IL20RA: variants seen among roughly 807,000 people sequenced by gnomAD.
The protein encoded by IL20RA is interleukin 20 receptor subunit alpha, also known as interleukin-20 receptor subunit alpha.
IL20RA carries 29 observed loss-of-function variants against 36.5 expected under a neutral mutation model. The ratio of observed to expected loss-of-function variants is 0.79; its 90% confidence interval spans 0.59 to 1.08. The LOEUF is 1.08. Ranked by LOEUF, IL20RA falls within the 50% of genes least tolerant of loss-of-function variation. IL20RA has a pLI of 0.00. For synonymous variants in IL20RA, 279 were observed against 267.1 expected (o/e 1.04, Z -0.43); for missense variants, 652 against 668.4 (o/e 0.98, Z 0.27).
intron 2 of IL20RA, among the ~76,000 whole-genome samples, chr6:137,016,184 A>G (rs546179957): frequency 2.0e-5 from 3 of 152,234 alleles, no homozygotes; most frequent in Admixed American, 2.0e-4. Flanking sequence ...CACAATGGAC[A>G]TGTCCTGTGT....
chr6:137,004,996 A>C (rs928698585), intron 5 of IL20RA, among the ~76,000 whole-genome samples: 1 of 152,222 alleles, frequency 6.6e-6, no homozygotes, highest in Non-Finnish European at 1.5e-5. Context: ...GTGTACCTCA[A>C]ATGTTTACAC....
At chr6:137,015,579 A>G (rs1270907202) in intron 2 of IL20RA, among the ~76,000 whole-genome samples, 4 of 152,200 alleles carry the variant, frequency 2.6e-5, no homozygotes, top group African/African-American at 9.6e-5. Flanking sequence ...GAGTGGGGCC[A>G]GCTGTTTGTT....
At chr6:137,021,626 C>A (rs1201841304) in intron 1 of IL20RA, among the ~76,000 whole-genome samples, 4 of 151,942 alleles carry the variant, frequency 2.6e-5, no homozygotes, top group Non-Finnish European at 5.9e-5. Flanking sequence ...TTGCAGAGAG[C>A]CACTGCACTC....
chr6:137,039,375 G>C (rs1357356688), intron 1 of IL20RA, among the ~76,000 whole-genome samples: 1 of 152,150 alleles, frequency 6.6e-6, no homozygotes, highest in Non-Finnish European at 1.5e-5. Context: ...GATAGATCAG[G>C]AGGCCTGCAA....
At chr6:137,017,776 C>T (rs1392977185) in intron 1 of IL20RA, among the ~76,000 whole-genome samples, 1 of 152,018 alleles carries the variant, frequency 6.6e-6, no homozygotes, top group Non-Finnish European at 1.5e-5. Context: ...TAAATAAACA[C>T]TGATATGTTC....
intron 5 of IL20RA, among the ~76,000 whole-genome samples, chr6:137,007,956 A>T (rs535877231): frequency 6.6e-6 from 1 of 152,164 alleles, no homozygotes; most frequent in Non-Finnish European, 1.5e-5. Flanking sequence ...ATTTCTATCA[A>T]TCAGAGTGGT....
Position 137,001,683 on chromosome 6 carries a change from C to T in IL20RA, c.1537G>A (p.Gly513Arg), listed in dbSNP as rs200592228. The T allele has an allele frequency of 1.5e-4, 245 of 1,614,142 alleles. 1 individual carries two copies. The highest frequency in any genetic ancestry group is 2.0e-4 in the Admixed American group (12 of 60,022). The stretch of plus-strand genomic sequence containing the variant: ...AGTCTAGATAGAAGACCCTCCTCTC[C>T]GAGCCCATCCCCCTCAGAAGGCTCG... Reference protein sequence around the residue: ...GCEPSEGDGLGEEGLLSRLYE... With the variant: ...GCEPSEGDGLREEGLLSRLYE... The change falls in exon 7 of 7, where the codon GGA (glycine) becomes AGA (arginine). Residue 513 changes from glycine (G) to arginine (R), a missense_variant. Gly to Arg is a moderately radical substitution (Grantham distance 125, BLOSUM62 -2). Transcript: ENST00000316649.
intron 2 of IL20RA, among the ~76,000 whole-genome samples, chr6:137,013,232 T>C (rs1190433696): frequency 6.6e-6 from 1 of 152,200 alleles, no homozygotes; most frequent in Non-Finnish European, 1.5e-5. Context: ...TTGAAGACTA[T>C]TGCCATTGCC....
chr6:137,004,578 G>T, intron 6 of IL20RA, 43 bp downstream of exon 6: 1 of 1,578,796 alleles, frequency 6.3e-7, no homozygotes, highest in East Asian at 2.2e-5. Context: ...CCTCCTGGAG[G>T]TGTACTATTA....
chr6:137,034,818 G>T (rs183891882), intron 1 of IL20RA, among the ~76,000 whole-genome samples: 4,378 of 152,052 alleles, frequency 0.029, 207 homozygotes, highest in African/African-American at 0.1. Flanking sequence ...GGTGGCGGGC[G>T]CCTGTAGTCC....
intron 3 of IL20RA, among the ~76,000 whole-genome samples, chr6:137,010,568 G>A (rs1301035591): frequency 6.6e-6 from 1 of 152,184 alleles, no homozygotes; most frequent in African/African-American, 2.4e-5. Flanking sequence ...TGGAGCACTT[G>A]CAGAGCTCAT....
intron 5 of IL20RA, among the ~76,000 whole-genome samples, chr6:137,007,004 G>A (rs1043313398): frequency 6.6e-6 from 1 of 152,182 alleles, no homozygotes; most frequent in Admixed American, 6.5e-5. Flanking sequence ...TATTATAGGC[G>A]TGATCCATTG....
At chr6:137,008,428 A>G (rs1160956221) in intron 5 of IL20RA, among the ~76,000 whole-genome samples, 171 bp downstream of exon 5, 2 of 152,202 alleles carry the variant, frequency 1.3e-5, no homozygotes, top group African/African-American at 2.4e-5. Flanking sequence ...GCCAAGCTCA[A>G]TGGCAGAGTC....
chr6:137,011,926 T>C (rs1009447971), intron 2 of IL20RA, among the ~76,000 whole-genome samples: 1 of 152,118 alleles, frequency 6.6e-6, no homozygotes, highest in Non-Finnish European at 1.5e-5. Context: ...CTAGGGAAAA[T>C]ACACGAGGCT....
At position 137,002,090 on chromosome 6, in the gene IL20RA, G is replaced by A. The variant is rs748104682; in HGVS notation, c.1130C>T (p.Thr377Met). The change falls in exon 7 of 7, where the codon ACG becomes ATG. Residue 377 changes from threonine (T) to methionine (M), a missense_variant. Transcript: ENST00000316649. ...TTGCTGGGTGAGAGAAGTACCTTCC[G>A]TGTTTTCTTCAGAGTCACAAAAAAT... Reference protein sequence around the residue: ...MEIFCDSEENTEGTSLTQQES... With the variant: ...MEIFCDSEENMEGTSLTQQES... The A allele has an allele frequency of 5.0e-6, 8 of 1,614,128 alleles. No individual in the cohort carries two copies. Among genetic ancestry groups the A allele is most frequent in the South Asian group, 3.3e-5 (3 of 91,080 alleles).
intron 1 of IL20RA, among the ~76,000 whole-genome samples, chr6:137,040,788 G>A (rs1044976885): frequency 6.6e-6 from 1 of 152,096 alleles, no homozygotes; most frequent in Non-Finnish European, 1.5e-5. Flanking sequence ...AAAAAAGAGT[G>A]AAATAAAAAA....
chr6:137,044,433 A>C, intron 1 of IL20RA: 2 of 884,196 alleles, frequency 2.3e-6, no homozygotes, highest in Non-Finnish European at 1.4e-6. Flanking sequence ...ACCCCGAGCC[A>C]AGGTGCGCGA....
chr6:137,013,703 C>T (rs966132403), intron 2 of IL20RA, among the ~76,000 whole-genome samples: 6 of 152,116 alleles, frequency 3.9e-5, no homozygotes, highest in African/African-American at 1.4e-4. Flanking sequence ...AAATTTTCAC[C>T]TTGGAAACAA....
intron 6 of IL20RA, 120 bp from the exon 7 acceptor site, chr6:137,002,475 T>A: frequency 1.5e-6 from 1 of 662,566 alleles, no homozygotes; most frequent in South Asian, 2.0e-5. Context: ...CCAACTCATG[T>A]AAATGAAAGT....
Sources: allele counts gnomAD v4.1 joint callset (sites outside exome capture counted in the v4.1 genomes callset), GRCh38; gene constraint gnomAD v4.1.1; transcripts MANE v1.5; gene names NCBI Gene and HGNC (gene_info 2026-07-23, HGNC 2026-07-21).